The following B4GALT6 variants were observed in gnomAD, a reference collection of about 807,000 sequenced individuals.
B4GALT6 encodes the protein UDP-Gal:beta-GlcNAc beta-1,4-galactosyltransferase 6.
In B4GALT6, 14 loss-of-function variants were observed where a neutral mutation model predicts 46.3. The observed-to-expected ratio is 0.30, with a 90% confidence interval of 0.20 to 0.47. The LOEUF (loss-of-function observed/expected upper bound fraction) is 0.47. B4GALT6 is among the 20% of genes least tolerant of loss of function. B4GALT6 has a pLI of 0.99. For synonymous variants in B4GALT6, 168 were observed against 162.0 expected, an observed-to-expected ratio of 1.04 and a Z score of -0.28; for missense variants, 386 against 480.1, an observed-to-expected ratio of 0.80 and a Z score of 1.83.
At chr18:31,724,414 C>T in the B4GALT6 span, 2 of 1,068,950 alleles carry the variant, frequency 1.9e-6, no homozygotes, top group South Asian at 2.9e-5. Context: ...CTGGTCTTCC[C>T]GCTCCTCCGA....
intron 3 of B4GALT6, among the ~76,000 whole-genome samples, chr18:31,656,441 T>C (rs2074140415): frequency 6.6e-6 from 1 of 152,020 alleles, no homozygotes. Context: ...GCTAAAATAA[T>C]AGCCGTGTGG....
chr18:31,688,865 A>T (rs927677839), upstream of B4GALT6, among the ~76,000 whole-genome samples: 1 of 152,198 alleles, frequency 6.6e-6, no homozygotes, highest in Non-Finnish European at 1.5e-5. Flanking sequence ...TACAAACCAC[A>T]CCAGCTCTTA....
intron 3 of B4GALT6, among the ~76,000 whole-genome samples, chr18:31,651,150 C>A (rs1267131184): frequency 6.6e-6 from 1 of 152,070 alleles, no homozygotes; most frequent in Admixed American, 6.6e-5. Context: ...GATCACAGCA[C>A]CTACACACTG....
At chr18:31,655,377 T>C (rs1397802696) in intron 3 of B4GALT6, among the ~76,000 whole-genome samples, 1 of 152,334 alleles carries the variant, frequency 6.6e-6, no homozygotes, top group East Asian at 1.9e-4. Flanking sequence ...TGTGAAAAGA[T>C]GGCTGGCCAC....
intron 1 of B4GALT6, among the ~76,000 whole-genome samples, chr18:31,681,363 C>T (rs1490808965): frequency 6.6e-6 from 1 of 152,178 alleles, no homozygotes; most frequent in African/African-American, 2.4e-5. Context: ...GCTCTGGCCT[C>T]TAGGGGTGGG....
chr18:31,657,168 G>A (rs913919927), intron 3 of B4GALT6, among the ~76,000 whole-genome samples: 2 of 151,874 alleles, frequency 1.3e-5, no homozygotes, highest in African/African-American at 2.4e-5. Flanking sequence ...ATGCATATAC[G>A]CACAGGAAAA....
At chr18:31,714,824 T>C in the B4GALT6 span, among the ~76,000 whole-genome samples, 1 of 152,198 alleles carries the variant, frequency 6.6e-6, no homozygotes, top group Non-Finnish European at 1.5e-5. Flanking sequence ...AAATCTTACC[T>C]TGTAGGCTGT....
At chr18:31,710,886 G>A in the B4GALT6 span, among the ~76,000 whole-genome samples, 1 of 142,696 alleles carries the variant, frequency 7.0e-6, no homozygotes. Context: ...AGGTGATCTT[G>A]GCCTAAATCC....
intron 6 of B4GALT6, among the ~76,000 whole-genome samples, chr18:31,628,442 C>T (rs572179500): frequency 3.3e-5 from 5 of 152,200 alleles, no homozygotes; most frequent in Admixed American, 6.5e-5. Context: ...TATAAATCAG[C>T]AAGCCTATCA....
the B4GALT6 span, among the ~76,000 whole-genome samples, chr18:31,709,043 A>C: frequency 1.3e-5 from 2 of 152,178 alleles, no homozygotes; most frequent in Non-Finnish European, 2.9e-5. Flanking sequence ...TTCACTCTCT[A>C]GCTGTGTGAC....
At chr18:31,658,263 C>T (rs1464184848) in intron 2 of B4GALT6, 174 bp from the exon 3 acceptor site, 2 of 528,788 alleles carry the variant, frequency 3.8e-6, no homozygotes, top group Non-Finnish European at 6.7e-6. Flanking sequence ...GGGAACAGAC[C>T]TCTCAGCATG....
At chr18:31,647,350 C>T (rs1294372771) in intron 3 of B4GALT6, among the ~76,000 whole-genome samples, 1 of 152,168 alleles carries the variant, frequency 6.6e-6, no homozygotes, top group Non-Finnish European at 1.5e-5. Context: ...CCATCTCCAA[C>T]GCATATGTGC....
the B4GALT6 span, among the ~76,000 whole-genome samples, chr18:31,722,373 T>C: frequency 6.6e-6 from 1 of 152,146 alleles, no homozygotes; most frequent in South Asian, 2.1e-4. Flanking sequence ...TTCTGGAGAA[T>C]AAGAATATAT....
chr18:31,716,084 T>G, the B4GALT6 span, among the ~76,000 whole-genome samples: 2 of 152,182 alleles, frequency 1.3e-5, no homozygotes, highest in Non-Finnish European at 2.9e-5. Context: ...GGGTTCCCAT[T>G]TCAATATTTA....
chr18:31,632,711 A>G (rs2073806692), intron 5 of B4GALT6, among the ~76,000 whole-genome samples: 1 of 152,188 alleles, frequency 6.6e-6, no homozygotes, highest in African/African-American at 2.4e-5. Context: ...GACTATGTAA[A>G]TATTTAATAT....
upstream of B4GALT6, among the ~76,000 whole-genome samples, chr18:31,684,876 C>T (rs1048566705): frequency 6.7e-6 from 1 of 150,206 alleles, no homozygotes; most frequent in African/African-American, 2.4e-5. Context: ...CCGGCGGGGT[C>T]CCGCCGCGAA....
At chr18:31,712,287 A>ACTTT in the B4GALT6 span, among the ~76,000 whole-genome samples, 876 of 84,642 alleles carry the variant, frequency 0.01, 62 homozygotes, top group African/African-American at 0.04. Flanking sequence ...CTGGGACGTT[A>ACTTT]TTTTTTTTTT....
chr18:31,707,846 T>C, the B4GALT6 span, among the ~76,000 whole-genome samples: 1 of 152,220 alleles, frequency 6.6e-6, no homozygotes, highest in Non-Finnish European at 1.5e-5. Context: ...CATATATACA[T>C]ACATATTCAC....
rs888857104 is a variant in B4GALT6, at chr18:31,624,012, T to C, written c.*1602A>G. On this transcript the variant is annotated 3_prime_UTR_variant, in exon 9 of 9. Transcript: ENST00000306851. ...TTTTTGTTTAAAATTTGTGAAAATA[T>C]CAAGATATTTTAAACAATCTTTATA... 1 of 152,076 alleles carries C rather than the reference T, an allele frequency of 6.6e-6. No homozygotes were observed. Among genetic ancestry groups the C allele is most frequent in the Non-Finnish European group, 1.5e-5 (1 of 67,904 alleles). The allele number at this position is 152,076 out of a possible 1,614,324, so 9.4% of individuals were successfully genotyped here.
Sources: gnomAD v4.1 joint callset for allele counts (sites outside exome capture counted in the v4.1 genomes callset) on GRCh38, gnomAD v4.1.1 for gene constraint, MANE v1.5 for transcripts, NCBI Gene and HGNC (gene_info 2026-07-23, HGNC 2026-07-21) for gene names.